The following AKAP19 variants were observed in gnomAD, a reference collection of about 807,000 sequenced individuals.
The protein encoded by AKAP19 is A-kinase anchoring protein 19, also known as small A-kinase anchoring protein.
At chr2:190,096,717 T>G in the AKAP19 span, among the ~76,000 whole-genome samples, 1 of 152,218 alleles carries the variant, frequency 6.6e-6, no homozygotes, top group Non-Finnish European at 1.5e-5. Flanking sequence ...TTTTAAACAA[T>G]GTATTTTCTC....
At chr2:190,084,407 T>C in the AKAP19 span, among the ~76,000 whole-genome samples, 1 of 152,146 alleles carries the variant, frequency 6.6e-6, no homozygotes, top group African/African-American at 2.4e-5. Context: ...CTCAGTTAAT[T>C]TTAAAGCTTC....
At chr2:189,975,617 C>T in the AKAP19 span, among the ~76,000 whole-genome samples, 1 of 152,212 alleles carries the variant, frequency 6.6e-6, no homozygotes, top group African/African-American at 2.4e-5. Flanking sequence ...TTCAGGTACA[C>T]CAATCAGGTG....
At chr2:190,151,821 G>T in the AKAP19 span, among the ~76,000 whole-genome samples, 5 of 150,820 alleles carry the variant, frequency 3.3e-5, no homozygotes, top group Non-Finnish European at 1.5e-5. Flanking sequence ...GGCCAACATA[G>T]TGACATCTTA....
At chr2:190,154,867 G>A in the AKAP19 span, among the ~76,000 whole-genome samples, 3 of 152,226 alleles carry the variant, frequency 2.0e-5, no homozygotes, top group African/African-American at 7.2e-5. Context: ...GAGGTGGACT[G>A]CCTGTGTAAG....
the AKAP19 span, among the ~76,000 whole-genome samples, chr2:189,955,583 C>CAGTATATAAGTATATA: frequency 2.6e-5 from 4 of 152,260 alleles, no homozygotes; most frequent in South Asian, 8.3e-4. Flanking sequence ...TTTCCACCAG[C>CAGTATATAAGTATATA]AGTATATAAG....
the AKAP19 span, among the ~76,000 whole-genome samples, chr2:190,033,622 G>A: frequency 5.3e-5 from 8 of 152,136 alleles, no homozygotes; most frequent in Admixed American, 4.6e-4. Context: ...TCCTAGACTC[G>A]ACAGTAACAA....
the AKAP19 span, among the ~76,000 whole-genome samples, chr2:190,059,114 C>T: frequency 6.6e-6 from 1 of 151,428 alleles, no homozygotes; most frequent in Non-Finnish European, 1.5e-5. Context: ...ATTATATCAT[C>T]TTTATAACTA....
chr2:190,019,050 G>T, the AKAP19 span, among the ~76,000 whole-genome samples: 4 of 152,204 alleles, frequency 2.6e-5, no homozygotes, highest in Non-Finnish European at 5.9e-5. Flanking sequence ...AGTAAAATAG[G>T]GTTGCAGGCT....
the AKAP19 span, chr2:190,060,263 G>A: frequency 1.4e-5 from 22 of 1,612,884 alleles, no homozygotes; most frequent in East Asian, 1.1e-4. Flanking sequence ...ACCTTGTACC[G>A]TCTTTCATAG....
chr2:189,886,799 A>G, the AKAP19 span, among the ~76,000 whole-genome samples: 1 of 151,588 alleles, frequency 6.6e-6, no homozygotes, highest in Non-Finnish European at 1.5e-5. Flanking sequence ...TGCCATAGCA[A>G]ACATTCAGAA....
At chr2:189,998,381 T>G in the AKAP19 span, among the ~76,000 whole-genome samples, 4 of 152,324 alleles carry the variant, frequency 2.6e-5, no homozygotes, top group African/African-American at 9.6e-5. Context: ...TGCAGCCATC[T>G]GGGCCTGGGA....
the AKAP19 span, among the ~76,000 whole-genome samples, chr2:190,033,086 T>C: frequency 6.6e-6 from 1 of 152,228 alleles, no homozygotes; most frequent in African/African-American, 2.4e-5. Flanking sequence ...ACAACTTCTT[T>C]TTCCTTGCTA....
At chr2:190,038,893 T>C in the AKAP19 span, among the ~76,000 whole-genome samples, 3 of 42,440 alleles carry the variant, frequency 7.1e-5, no homozygotes, top group East Asian at 1.2e-3. Flanking sequence ...TCTTTCTTTC[T>C]TTCTTTCTTT....
chr2:190,115,972 G>A, the AKAP19 span, among the ~76,000 whole-genome samples: 1 of 152,184 alleles, frequency 6.6e-6, no homozygotes, highest in Non-Finnish European at 1.5e-5. Flanking sequence ...GCATGTGTAT[G>A]TGTACGTGTT....
the AKAP19 span, chr2:190,200,417 TCTTC>T: frequency 5.9e-6 from 2 of 338,006 alleles, no homozygotes; most frequent in Non-Finnish European, 1.2e-5. Flanking sequence ...TCACAGCACT[TCTTC>T]CTAAGTAATG....
chr2:189,894,605 A>C, the AKAP19 span, among the ~76,000 whole-genome samples: 3 of 151,718 alleles, frequency 2.0e-5, no homozygotes, highest in Non-Finnish European at 4.4e-5. Flanking sequence ...ATTAAATTTT[A>C]TTTACATAAG....
At chr2:190,183,010 C>T in the AKAP19 span, among the ~76,000 whole-genome samples, 1 of 152,166 alleles carries the variant, frequency 6.6e-6, no homozygotes, top group African/African-American at 2.4e-5. Flanking sequence ...TACACATTTG[C>T]TGAGTTTATT....
the AKAP19 span, among the ~76,000 whole-genome samples, chr2:190,055,531 G>A: frequency 1.3e-3 from 203 of 152,232 alleles, no homozygotes; most frequent in Middle Eastern, 3.4e-3. Context: ...CCTTGCTTTC[G>A]TATGTGTAAA....
the AKAP19 span, among the ~76,000 whole-genome samples, chr2:189,895,504 C>G: frequency 6.6e-6 from 1 of 152,104 alleles, no homozygotes. Context: ...GAGCCTAACC[C>G]AGAAGGCAAT....
Sources: gnomAD v4.1 joint callset for allele counts (sites outside exome capture counted in the v4.1 genomes callset) on GRCh38, gnomAD v4.1.1 for gene constraint, MANE v1.5 for transcripts, NCBI Gene and HGNC (gene_info 2026-07-23, HGNC 2026-07-21) for gene names.